The following PCDH15 variants were observed in gnomAD, a reference collection of about 807,000 sequenced individuals.
PCDH15 encodes protocadherin-15.
Under a neutral mutation model 178.5 loss-of-function variants are expected in PCDH15, and 129 were observed. The observed-to-expected ratio is 0.72, with a 90% CI of 0.63 to 0.84. The LOEUF (loss-of-function observed/expected upper bound fraction) is 0.84. Among genes scored for constraint, PCDH15 ranks in the 40% least tolerant of loss-of-function variants. The probability of loss-of-function intolerance (pLI) is 0.00; values close to 1 mark genes in which losing one functional copy is unlikely to be tolerated. For synonymous variants in PCDH15, 800 were observed against 732.0 expected (o/e 1.09, Z -1.50); for missense variants, 2,230 against 2,099.9 (o/e 1.06, Z -1.21).
chr10:54,580,829 A>C (rs2090968917), intron 2 of PCDH15, among the ~76,000 whole-genome samples: 1 of 152,076 alleles, frequency 6.6e-6, no homozygotes, highest in Admixed American at 6.6e-5. Context: ...ACATAAACAA[A>C]ATTAAAAACA....
upstream of PCDH15, among the ~76,000 whole-genome samples, chr10:54,806,199 G>GA: frequency 6.6e-6 from 1 of 152,218 alleles, no homozygotes; most frequent in Non-Finnish European, 1.5e-5. Flanking sequence ...GGTTTAAACA[G>GA]AAAAAAAGAA....
At chr10:53,977,663 A>T (rs2090297703) in intron 21 of PCDH15, among the ~76,000 whole-genome samples, 1 of 152,204 alleles carries the variant, frequency 6.6e-6, no homozygotes, top group Non-Finnish European at 1.5e-5. Context: ...TCAAAGTCTT[A>T]ACTCATTTCA....
intron 2 of PCDH15, among the ~76,000 whole-genome samples, chr10:55,453,154 A>G (rs1192400046): frequency 1.3e-5 from 2 of 152,172 alleles, no homozygotes; most frequent in African/African-American, 2.4e-5. Context: ...ATTATTCCCT[A>G]TGAAGCATTT....
At chr10:54,213,789 G>A (rs1230378213) in intron 10 of PCDH15, 147 bp downstream of exon 10, 13 of 554,236 alleles carry the variant, frequency 2.3e-5, no homozygotes, top group South Asian at 3.9e-5. Flanking sequence ...AGTGGGCTTC[G>A]CTTATTTTCT....
Position 53,968,450 on chromosome 10 carries a change from G to A in PCDH15, c.2869-6558C>T, listed in dbSNP as rs576064555. 2.6e-5 allele frequency among the ~76,000 whole-genome samples: 4 copies of A among 152,336 alleles called. No homozygotes were observed. The East Asian group carries it at 7.7e-4, about 29-fold the overall frequency. The stretch of plus-strand genomic sequence containing the variant: ...GCAGGGCAGAGCTGAACAAAAGGCA[G>A]CAGAAACTTCTGCAGACTTCAATAT... On this transcript the variant is annotated intron_variant, in intron 21 of 37. Transcript: ENST00000644397.
rs563590450 is a variant in PCDH15, at chr10:54,308,793, C to T, written c.876+8478G>A. 2.1e-4 allele frequency among the ~76,000 whole-genome samples: 32 copies of T among 151,868 alleles called. No homozygotes were observed. The East Asian group carries it at 6.2e-3, about 30-fold the overall frequency. On this transcript the variant is annotated intron_variant, in intron 8 of 37. Coordinates refer to ENST00000644397, the MANE Select transcript of PCDH15 (RefSeq NM_001384140.1). Reference sequence around the variant, plus strand: ...TGCTATCCCTCCCCTATTCCCCGACCCCCAGACAGGCCCCCATGTCACACA... The same window carrying T: ...TGCTATCCCTCCCCTATTCCCCGACTCCCAGACAGGCCCCCATGTCACACA...
intron 1 of PCDH15, among the ~76,000 whole-genome samples, chr10:54,796,617 C>T (rs773538539): frequency 4.0e-5 from 6 of 151,842 alleles, no homozygotes; most frequent in Non-Finnish European, 7.4e-5. Context: ...GTGTATATCT[C>T]AGTTTCTCTT....
At position 54,602,346 on chromosome 10, in the gene PCDH15, CT is replaced by C. The variant is rs1241280541; in HGVS notation, c.91+61825del. Among the ~76,000 whole-genome samples the C allele has an allele frequency of 2.6e-5, 4 of 151,900 alleles. No individual in the cohort carries two copies. The East Asian group carries it at 7.7e-4, about 29-fold the overall frequency. ...TGCCACTTACTTTTATTTAGAGCAACTTTACTAAATTCATGTATTAATTGTA... is the reference window on the plus strand; with the variant it reads ...TGCCACTTACTTTTATTTAGAGCAACTTACTAAATTCATGTATTAATTGTA... On this transcript the variant is annotated intron_variant, in intron 2 of 37. Transcript: ENST00000644397.
At chr10:54,366,875 G>T (rs972922586) in intron 5 of PCDH15, among the ~76,000 whole-genome samples, 2 of 152,012 alleles carry the variant, frequency 1.3e-5, no homozygotes, top group African/African-American at 4.8e-5. Flanking sequence ...GAAATGCATT[G>T]TGAGAAACTT....
chr10:53,806,481 G>C lies in PCDH15; in HGVS notation c.*98C>G. ...GTTCAAAGTTTTAGCTTGTGTGCAT[G>C]ATATAAATTCCATACATTGTTTTCT... On this transcript the variant is annotated 3_prime_UTR_variant, in exon 38 of 38. Transcript: ENST00000644397. 9.6e-7 allele frequency: 1 copy of C among 1,042,548 alleles called. No individual in the cohort carries two copies. The highest frequency in any genetic ancestry group is 1.4e-6 in the Non-Finnish European group (1 of 731,444). The allele number at this position is 1,042,548 out of a possible 1,614,324, so 64.6% of individuals were successfully genotyped here.
At chr10:54,742,834 C>T (rs539513407) in intron 1 of PCDH15, among the ~76,000 whole-genome samples, 1 of 152,040 alleles carries the variant, frequency 6.6e-6, no homozygotes, top group East Asian at 1.9e-4. Flanking sequence ...AATACATTGC[C>T]CAGTAGGAAA....
At chr10:54,519,018 A>G (rs2082543691) in intron 3 of PCDH15, among the ~76,000 whole-genome samples, 1 of 152,210 alleles carries the variant, frequency 6.6e-6, no homozygotes, top group African/African-American at 2.4e-5. Flanking sequence ...ACAATCCTTC[A>G]TGCTAAAAAC....
chr10:54,611,846 C>T (rs138152839), intron 2 of PCDH15, among the ~76,000 whole-genome samples: 30 of 151,850 alleles, frequency 2.0e-4, no homozygotes, highest in Non-Finnish European at 3.8e-4. Context: ...TTGTCTTCAA[C>T]ACTTTCTGAG....
At chr10:55,462,255 C>T (rs756365892) in intron 2 of PCDH15, among the ~76,000 whole-genome samples, 32 of 152,054 alleles carry the variant, frequency 2.1e-4, no homozygotes, top group Non-Finnish European at 3.2e-4. Flanking sequence ...TATGACCAAA[C>T]TTGGGTTACA....
At chr10:54,921,623 C>T (rs1209349757) in intron 2 of PCDH15, among the ~76,000 whole-genome samples, 4 of 152,082 alleles carry the variant, frequency 2.6e-5, no homozygotes, top group African/African-American at 9.7e-5. Flanking sequence ...TAAAGATAAT[C>T]ACCTCTAGCT....
At chr10:53,851,697 TA>T (rs2078377787) in intron 28 of PCDH15, among the ~76,000 whole-genome samples, 1 of 77,526 alleles carries the variant, frequency 1.3e-5, no homozygotes, top group Non-Finnish European at 3.1e-5. Context: ...TATATATATA[TA>T]TATATATATA....
intron 2 of PCDH15, among the ~76,000 whole-genome samples, chr10:55,140,405 T>C (rs983320393): frequency 6.6e-6 from 1 of 151,948 alleles, no homozygotes; most frequent in African/African-American, 2.4e-5. Flanking sequence ...AAGCCTTTTT[T>C]CTGACTTTTT....
intron 7 of PCDH15, among the ~76,000 whole-genome samples, chr10:54,321,849 G>A (rs2061628249): frequency 1.3e-5 from 2 of 151,968 alleles, no homozygotes; most frequent in African/African-American, 4.8e-5. Context: ...AAATGATTGT[G>A]AGCAGAGATG....
At chr10:55,575,981 G>A (rs879792129) in intron 2 of PCDH15, among the ~76,000 whole-genome samples, 2 of 152,084 alleles carry the variant, frequency 1.3e-5, no homozygotes, top group Admixed American at 6.6e-5. Context: ...TATGCTTCAC[G>A]ATGAACCGTT....
Sources: gnomAD v4.1 joint callset for allele counts (sites outside exome capture counted in the v4.1 genomes callset) on GRCh38, gnomAD v4.1.1 for gene constraint, MANE v1.5 for transcripts, NCBI Gene and HGNC (gene_info 2026-07-23, HGNC 2026-07-21) for gene names.